The following C2CD4B variants were observed in gnomAD, a reference collection of about 807,000 sequenced individuals.
C2CD4B encodes C2 calcium dependent domain containing 4B.
For synonymous variants in C2CD4B, 347 were observed against 284.9 expected (o/e 1.22, Z -2.20); for missense variants, 644 against 577.7 (o/e 1.11, Z -1.18).
rs1567181063 is a variant in C2CD4B, at chr15:62,164,868, C to T, written c.117G>A (p.Leu39=). Residue 39 remains leucine, a synonymous_variant, in exon 2 of 2, where the codon CTG becomes CTA. Coordinates refer to ENST00000380392, the MANE Select transcript of C2CD4B (RefSeq NM_001007595.3). The part of the protein sequence containing the change: ...RIPEFCIPPR[L]PAPCTLESPI... ...GAGACTCGAGCGTGCAAGGGGCCGG[C>T]AGCCGCGGCGGGATGCAGAATTCGG... 6.6e-7 allele frequency: 1 copy of T among 1,506,262 alleles called. No homozygotes were observed. The highest frequency in any genetic ancestry group is 8.8e-7 in the Non-Finnish European group (1 of 1,132,422). The allele number at this position is 1,506,262 out of a possible 1,614,324, so 93.3% of individuals were successfully genotyped here.
Position 62,164,204 on chromosome 15 carries a change from C to G in C2CD4B, c.781G>C (p.Gly261Arg), listed in dbSNP as rs2049584349. The change falls in exon 2 of 2, where the codon GGA becomes CGA. Residue 261 changes from glycine (G) to arginine (R), a missense_variant. By Grantham distance (125) the Gly-to-Arg change is moderately radical. Coordinates refer to ENST00000380392, the MANE Select transcript of C2CD4B (RefSeq NM_001007595.3). Reference protein sequence around the residue: ...ALRLAAEYCPGTRRLRLRLLR... With the variant: ...ALRLAAEYCPRTRRLRLRLLR... Reference sequence around the variant, plus strand: ...AGCCGGAGGCGGAGACGCCGGGTTCCCGGACAGTACTCAGCAGCCAGGCGC... The same window carrying G: ...AGCCGGAGGCGGAGACGCCGGGTTCGCGGACAGTACTCAGCAGCCAGGCGC... 1 of 1,480,456 alleles carries G rather than the reference C, an allele frequency of 6.8e-7. No individual in the cohort carries two copies. The highest frequency in any genetic ancestry group is 8.9e-7 in the Non-Finnish European group (1 of 1,124,374). The allele number at this position is 1,480,456 out of a possible 1,614,324, so 91.7% of individuals were successfully genotyped here.
rs377184066 is a variant in C2CD4B, at chr15:62,164,671, T to C, written c.314A>G (p.Glu105Gly). The C allele has an allele frequency of 4.8e-6, 7 of 1,448,790 alleles. No individual in the cohort carries two copies. The highest frequency in any genetic ancestry group is 4.1e-5 in the South Asian group (3 of 74,020). The allele number at this position is 1,448,790 out of a possible 1,614,324, so 89.7% of individuals were successfully genotyped here. A position where few individuals can be genotyped will look rare whatever the true frequency, so the allele number is the denominator to read the frequency against. The part of the protein sequence containing the change: ...RTTYGFCALL[E>G]SPHTRRKESL... ...CTCCTTGCGGCGCGTGTGCGGGCTC[T>C]CGAGCAGCGCGCAGAAGCCGTAGGT... is the stretch of plus-strand genomic sequence containing the variant. Residue 105 changes from glutamate (E) to glycine (G), a missense_variant, in exon 2 of 2, where the codon GAG (glutamate) becomes GGG (glycine). Physicochemically the swap from Glu to Gly is moderately conservative, Grantham distance 98. Transcript: ENST00000380392.
rs751932015 is a variant in C2CD4B, at chr15:62,163,866, A to G, written c.*24T>C. On this transcript the variant is annotated 3_prime_UTR_variant, in exon 2 of 2. Coordinates refer to ENST00000380392, the MANE Select transcript of C2CD4B (RefSeq NM_001007595.3). ...TCAGTGTCCGGAGTCTCCAGGGCAG[A>G]GCGCCCCGGGGAGGGCTGGGCCCTC... The G allele has an allele frequency of 1.5e-5, 22 of 1,461,240 alleles. 1 individual carries two copies. The South Asian group carries it at 2.9e-4, about 20-fold the overall frequency. The allele number at this position is 1,461,240 out of a possible 1,614,324, so 90.5% of individuals were successfully genotyped here. A position where few individuals can be genotyped will look rare whatever the true frequency, so the allele number is the denominator to read the frequency against.
At position 62,164,148 on chromosome 15, in the gene C2CD4B, G is replaced by C. The variant is rs1263317663; in HGVS notation, c.837C>G (p.Ala279=). Residue 279 remains alanine (A), a synonymous_variant, in exon 2 of 2, where the codon GCC becomes GCG. Transcript: ENST00000380392. ...GGCAGCGGACGGCGCGGGGCCCGGG[G>C]GCGCCTCCGAACAGGCTCTCCGCGC... ...LLRAESLFGG[A]PGPRAVRCRL... is the part of the protein sequence containing the mutation. 4.8e-6 allele frequency: 7 copies of C among 1,457,072 alleles called. No homozygotes were observed. The highest frequency in any genetic ancestry group is 6.3e-6 in the Non-Finnish European group (7 of 1,114,824). 90.3% of individuals were successfully genotyped at this position (1,457,072 alleles called of 1,614,324 possible). A position where few individuals can be genotyped will look rare whatever the true frequency, so the allele number is the denominator to read the frequency against.
chr15:62,163,849 C>A lies in C2CD4B; in HGVS notation c.*41G>T, dbSNP rs1177631182. ...TCTGTACCACGCGGCTGTCAGTGTC[C>A]GGAGTCTCCAGGGCAGAGCGCCCCG... On this transcript the variant is annotated 3_prime_UTR_variant, in exon 2 of 2. Transcript: ENST00000380392. The A allele has an allele frequency of 1.4e-6, 2 of 1,422,710 alleles. No individual in the cohort carries two copies. Among genetic ancestry groups the A allele is most frequent in the Admixed American group, 5.9e-5 (2 of 33,662 alleles). 88.1% of individuals were successfully genotyped at this position (1,422,710 alleles called of 1,614,324 possible). A position where few individuals can be genotyped will look rare whatever the true frequency, so the allele number is the denominator to read the frequency against.
Position 62,164,079 on chromosome 15 carries a change from T to C in C2CD4B, c.906A>G (p.Gln302=), listed in dbSNP as rs750697870. The change falls in exon 2 of 2, where the codon CAA becomes CAG. Residue 302 remains glutamine, a synonymous_variant. Transcript: ENST00000380392. ...GGCTGCGCCCCACCACAGCGCTGCA[T>C]TGCCAACGCGCAGTGCCCGGCGGCC... The part of the protein sequence containing the change: ...VLRPPGTARW[Q]CSAVVGRSRK... 4.5e-5 allele frequency: 70 copies of C among 1,561,896 alleles called. 1 individual carries two copies. The Middle Eastern group carries it at 4.9e-3, about 109-fold the overall frequency.
Position 62,164,200 on chromosome 15 carries a change from G to A in C2CD4B, c.785C>T (p.Thr262Ile). ...LRLAAEYCPG[T>I]RRLRLRLLRA... is the part of the protein sequence containing the mutation. The stretch of plus-strand genomic sequence containing the variant: ...GAGCAGCCGGAGGCGGAGACGCCGG[G>A]TTCCCGGACAGTACTCAGCAGCCAG... The change falls in exon 2 of 2, where the codon ACC (threonine) becomes ATC (isoleucine). Residue 262 changes from threonine (T) to isoleucine (I), a missense_variant. By Grantham distance (89) the Thr-to-Ile change is moderately conservative (BLOSUM62 -1). Transcript: ENST00000380392. 6.8e-7 allele frequency: 1 copy of A among 1,480,404 alleles called. No homozygotes were observed. The highest frequency in any genetic ancestry group is 8.9e-7 in the Non-Finnish European group (1 of 1,124,476). 91.7% of individuals were successfully genotyped at this position (1,480,404 alleles called of 1,614,324 possible).
In C2CD4B at chr15:62,164,118, G is replaced by T; in HGVS notation, c.867C>A (p.Leu289=). 6.7e-7 allele frequency: 1 copy of T among 1,485,820 alleles called. No individual in the cohort carries two copies. The highest frequency in any genetic ancestry group is 8.9e-7 in the Non-Finnish European group (1 of 1,126,054). The allele number at this position is 1,485,820 out of a possible 1,614,324, so 92.0% of individuals were successfully genotyped here. ...TGCCCGGCGGCCGCAGGACGAGGCT[G>T]AGGCGGCAGCGGACGGCGCGGGGCC... ...APGPRAVRCR[L]SLVLRPPGTA... Residue 289 remains leucine, a synonymous_variant, in exon 2 of 2, where the codon CTC becomes CTA. Transcript: ENST00000380392.
chr15:62,164,502 GCGGGGACCGC>G lies in C2CD4B; in HGVS notation c.473_482del (p.Gly158AlafsTer24). The G allele has an allele frequency of 5.8e-6, 7 of 1,202,832 alleles. No homozygotes were observed. In the South Asian group the frequency reaches 2.9e-4, roughly 49 times the overall value. The allele number at this position is 1,202,832 out of a possible 1,614,324, so 74.5% of individuals were successfully genotyped here. A position where few individuals can be genotyped will look rare whatever the true frequency, so the allele number is the denominator to read the frequency against. On this transcript the variant is annotated frameshift_variant, in exon 2 of 2. Transcript: ENST00000380392. LOFTEE classifies it low-confidence loss of function (END_TRUNC). ...CCGCAGCGAGCGCGTCCTGGGGCAG[GCGGGGACCGC>G]CGGGGGCCGCGGGGGTGGCCGGGCC...
rs1596581936 is a variant in C2CD4B, at chr15:62,163,990, A to G, written c.995T>C (p.Leu332Pro). ...DGLSEDEVRR[L>P]AVRVKARDEG... is the part of the protein sequence containing the mutation. ...ATCCCGGGCCTTGACGCGAACGGCC[A>G]GGCGGCGCACCTCGTCTTCCGAGAG... is the stretch of plus-strand genomic sequence containing the variant. The change falls in exon 2 of 2, where the codon CTG becomes CCG. Residue 332 changes from leucine (L) to proline (P), a missense_variant. Physicochemically the swap from Leu to Pro is moderately conservative, Grantham distance 98. Transcript: ENST00000380392. 1.2e-6 allele frequency: 2 copies of G among 1,600,600 alleles called. No homozygotes were observed. Among genetic ancestry groups the G allele is most frequent in the East Asian group, 4.5e-5 (2 of 44,478 alleles).
Position 62,164,361 on chromosome 15 carries a change from G to C in C2CD4B, c.624C>G (p.Asp208Glu). 7.1e-7 allele frequency: 1 copy of C among 1,412,156 alleles called. No individual in the cohort carries two copies. Among genetic ancestry groups the C allele is most frequent in the South Asian group, 1.5e-5 (1 of 65,794 alleles). 87.5% of individuals were successfully genotyped at this position (1,412,156 alleles called of 1,614,324 possible). A position where few individuals can be genotyped will look rare whatever the true frequency, so the allele number is the denominator to read the frequency against. Reference protein sequence around the residue: ...RVRSVSSGNEDEERRAGSESP... With the variant: ...RVRSVSSGNEEEERRAGSESP... ...ACTCGGATCCCGCGCGGCGCTCCTCGTCCTCGTTCCCGCTGGAGACGGAGC... is the reference window on the plus strand; with the variant it reads ...ACTCGGATCCCGCGCGGCGCTCCTCCTCCTCGTTCCCGCTGGAGACGGAGC... Residue 208 changes from aspartate to glutamate, a missense_variant, in exon 2 of 2, where the codon GAC becomes GAG. Physicochemically the swap from Asp to Glu is conservative, Grantham distance 45. Coordinates refer to ENST00000380392, the MANE Select transcript of C2CD4B (RefSeq NM_001007595.3).
intron 1 of C2CD4B, 64 bp downstream of exon 1, chr15:62,165,131 G>C (rs1053103855): frequency 1.1e-6 from 1 of 918,386 alleles, no homozygotes; most frequent in Non-Finnish European, 1.5e-6. Context: ...ACGTGTTTAA[G>C]ACCCCAGACC....
chr15:62,163,659 C>T lies in C2CD4B; in HGVS notation c.*231G>A, dbSNP rs987053655. On this transcript the variant is annotated 3_prime_UTR_variant, in exon 2 of 2. Transcript: ENST00000380392. ...CCAGTCCCAAGCCAACCCATTTTTC[C>T]TTGGAATGCAAAAATGGTCTGGAAA... 9.4e-6 allele frequency: 5 copies of T among 530,586 alleles called. No individual in the cohort carries two copies. The highest frequency in any genetic ancestry group is 4.4e-5 in the Admixed American group (1 of 22,784). The allele number at this position is 530,586 out of a possible 1,614,324, so 32.9% of individuals were successfully genotyped here. A position where few individuals can be genotyped will look rare whatever the true frequency, so the allele number is the denominator to read the frequency against.
At position 62,164,536 on chromosome 15, in the gene C2CD4B, C is replaced by T; in HGVS notation, c.449G>A (p.Gly150Asp). Residue 150 changes from glycine to aspartate, a missense_variant, in exon 2 of 2, where the codon GGC becomes GAC. Physicochemically the swap from Gly to Asp is moderately conservative, Grantham distance 94. Transcript: ENST00000380392. ...LGTLCGPRGP[G>D]PATPAAPGGP... ...GCCGGGGGCCGCGGGGGTGGCCGGG[C>T]CCGGACCTCGCGGGCCGCACAGGGT... The T allele has an allele frequency of 7.9e-6, 9 of 1,145,074 alleles. No homozygotes were observed. Among genetic ancestry groups the T allele is most frequent in the Non-Finnish European group, 9.6e-6 (9 of 934,508 alleles). 70.9% of individuals were successfully genotyped at this position (1,145,074 alleles called of 1,614,324 possible).
chr15:62,163,637 G>A lies in C2CD4B; in HGVS notation c.*253C>T, dbSNP rs2049574543. Reference sequence around the variant, plus strand: ...ATGGGTGTACTTCCTTTCTCTCCCAGTCCCAAGCCAACCCATTTTTCCTTG... The same window carrying A: ...ATGGGTGTACTTCCTTTCTCTCCCAATCCCAAGCCAACCCATTTTTCCTTG... On this transcript the variant is annotated 3_prime_UTR_variant, in exon 2 of 2. Transcript: ENST00000380392. 2.3e-6 allele frequency: 1 copy of A among 427,756 alleles called. No individual in the cohort carries two copies. The highest frequency in any genetic ancestry group is 3.9e-6 in the Non-Finnish European group (1 of 255,080). The allele number at this position is 427,756 out of a possible 1,614,324, so 26.5% of individuals were successfully genotyped here.
rs943185818 is a variant in C2CD4B at position 62,164,583 on chromosome 15, TCCG to T, written c.399_401del (p.Gly135del). 17 of 1,203,376 alleles carry T rather than the reference TCCG, an allele frequency of 1.4e-5. No individual in the cohort carries two copies. The South Asian group carries it at 2.0e-4, about 14-fold the overall frequency. 74.5% of individuals were successfully genotyped at this position (1,203,376 alleles called of 1,614,324 possible). A position where few individuals can be genotyped will look rare whatever the true frequency, so the allele number is the denominator to read the frequency against. On this transcript the variant is annotated inframe_deletion, in exon 2 of 2. Transcript: ENST00000380392. ...GGGTCCCCAGGGGGGCGTCCGGGCC[TCCG>T]CCGCCGCCGCAGCTGTGGGCCCGGG...
At position 62,163,915 on chromosome 15, in the gene C2CD4B, G is replaced by T. The variant is rs778028043; in HGVS notation, c.1070C>A (p.Ser357Tyr). 2 of 1,536,132 alleles carry T rather than the reference G, an allele frequency of 1.3e-6. No homozygotes were observed. Among genetic ancestry groups the T allele is most frequent in the Admixed American group, 1.9e-5 (1 of 51,604 alleles). The part of the protein sequence containing the change: ...RGRLLGQGEL[S>Y]LGALLLL The stretch of plus-strand genomic sequence containing the variant: ...TCAGAGCAGCAGGAGGGCGCCCAGG[G>T]ACAGCTCACCCTGGCCCAGCAGGCG... The change falls in exon 2 of 2, where the codon TCC (serine) becomes TAC (tyrosine). Residue 357 changes from serine to tyrosine, a missense_variant. Ser to Tyr is a moderately radical substitution (Grantham distance 144). Transcript: ENST00000380392.
chr15:62,164,977 A>C lies in C2CD4B; in HGVS notation c.8T>G (p.Leu3Arg). ...GGCCGAGGAACAGAGTTTCTCGAGG[A>C]GCCGCATCCTTGGAGGCTGGGGCTA... MRLLEKLCSSAAG... is the reference protein window; with the variant it reads MRRLEKLCSSAAG... Residue 3 changes from leucine to arginine, a missense_variant, in exon 2 of 2, where the codon CTC becomes CGC. Transcript: ENST00000380392. 1 of 1,520,214 alleles carries C rather than the reference A, an allele frequency of 6.6e-7. No homozygotes were observed. The highest frequency in any genetic ancestry group is 8.8e-7 in the Non-Finnish European group (1 of 1,135,394). 94.2% of individuals were successfully genotyped at this position (1,520,214 alleles called of 1,614,324 possible).
chr15:62,163,674 T>C lies in C2CD4B; in HGVS notation c.*216A>G. 3.2e-6 allele frequency: 2 copies of C among 616,762 alleles called. No homozygotes were observed. Among genetic ancestry groups the C allele is most frequent in the Non-Finnish European group, 4.7e-6 (2 of 426,472 alleles). 38.2% of individuals were successfully genotyped at this position (616,762 alleles called of 1,614,324 possible). ...CCCATTTTTCCTTGGAATGCAAAAA[T>C]GGTCTGGAAAGAGATATGGGGGTCC... On this transcript the variant is annotated 3_prime_UTR_variant, in exon 2 of 2. Transcript: ENST00000380392.
Sources: allele counts gnomAD v4.1 joint callset, GRCh38; gene constraint gnomAD v4.1.1; transcripts MANE v1.5; gene names NCBI Gene and HGNC (gene_info 2026-07-23, HGNC 2026-07-21).